The following ZNF277 variants were observed in gnomAD, a reference collection of about 807,000 sequenced individuals.
The protein encoded by ZNF277 is nuclear receptor-interacting factor 4.
A neutral mutation model predicts 60.7 loss-of-function variants in ZNF277; 55 were observed. The observed-to-expected ratio is 0.91, with a 90% confidence interval of 0.73 to 1.13. The LOEUF (loss-of-function observed/expected upper bound fraction) is 1.13. Ranked by LOEUF, ZNF277 falls within the 50% of genes most tolerant of loss-of-function variation. ZNF277 has a pLI of 0.00. For synonymous variants in ZNF277, 178 were observed against 179.3 expected (o/e 0.99, Z 0.06); for missense variants, 510 against 523.0 (o/e 0.98, Z 0.24).
chr7:112,342,950 A>G lies in ZNF277; in HGVS notation c.*221A>G, dbSNP rs1313659313. The G allele has an allele frequency of 6.2e-6, 2 of 323,492 alleles. No homozygotes were observed. The highest frequency in any genetic ancestry group is 1.1e-5 in the Non-Finnish European group (2 of 178,634). The allele number at this position is 323,492 out of a possible 1,614,324, so 20.0% of individuals were successfully genotyped here. ...AATGAAGTAGGAAAATAAGATGAAGACTTTGTATTTTGGCTGTAAAGTTTT... is the reference window on the plus strand; with the variant it reads ...AATGAAGTAGGAAAATAAGATGAAGGCTTTGTATTTTGGCTGTAAAGTTTT... On this transcript the variant is annotated 3_prime_UTR_variant, in exon 12 of 12. Coordinates refer to ENST00000361822, the MANE Select transcript of ZNF277 (RefSeq NM_021994.3).
intron 9 of ZNF277, 145 bp from the exon 10 acceptor site, chr7:112,339,698 G>T: frequency 1.4e-6 from 1 of 718,588 alleles, no homozygotes. Context: ...GAAGTAGTTA[G>T]ACTTGGAAGA....
rs537528919 is a variant in ZNF277 at position 112,264,634 on chromosome 7, A to G, written c.92-22239A>G. On this transcript the variant is annotated intron_variant, in intron 1 of 11. Transcript: ENST00000361822. ...AAAAGTATCAAGAAAGTATTTTTTG[A>G]AATTTTAATAAAAATATATGTTGAA... Among the ~76,000 whole-genome samples, 41 of 152,268 alleles carry G rather than the reference A, an allele frequency of 2.7e-4. 1 individual carries two copies. The South Asian group carries it at 6.0e-3, about 22-fold the overall frequency.
chr7:112,226,799 G>C (rs375857668), intron 1 of ZNF277, among the ~76,000 whole-genome samples: 48 of 152,248 alleles, frequency 3.2e-4, no homozygotes, highest in African/African-American at 1.1e-3. Flanking sequence ...TTAATTAAAT[G>C]ATAAATCTAG....
chr7:112,307,891 C>T (rs1792637866), intron 4 of ZNF277, among the ~76,000 whole-genome samples: 1 of 151,656 alleles, frequency 6.6e-6, no homozygotes, highest in Admixed American at 6.6e-5. Flanking sequence ...AGTATGTATA[C>T]ATATGTCCAA....
At chr7:112,252,032 T>G (rs1369465606) in intron 1 of ZNF277, among the ~76,000 whole-genome samples, 1 of 152,250 alleles carries the variant, frequency 6.6e-6, no homozygotes, top group East Asian at 1.9e-4. Context: ...TTTGTGAGAC[T>G]CACCCAGTCT....
intron 1 of ZNF277, among the ~76,000 whole-genome samples, chr7:112,243,885 C>T (rs1277860040): frequency 6.6e-6 from 1 of 151,942 alleles, no homozygotes; most frequent in Non-Finnish European, 1.5e-5. Context: ...AATAGCAAAG[C>T]ATTGGAATAA....
At chr7:112,327,905 A>C in intron 6 of ZNF277, 78 bp downstream of exon 6, 5 of 938,442 alleles carry the variant, frequency 5.3e-6, no homozygotes, top group Non-Finnish European at 7.8e-6. Flanking sequence ...AAATTAATTT[A>C]ATAGAGTAAT....
At chr7:112,320,700 T>G (rs1014896139) in intron 5 of ZNF277, among the ~76,000 whole-genome samples, 21 of 152,090 alleles carry the variant, frequency 1.4e-4, no homozygotes, top group African/African-American at 4.8e-4. Context: ...AGTATACAGT[T>G]GGATCATTTT....
chr7:112,226,732 T>A (rs1422980976), intron 1 of ZNF277, among the ~76,000 whole-genome samples: 2 of 152,248 alleles, frequency 1.3e-5, no homozygotes, highest in African/African-American at 4.8e-5. Flanking sequence ...TGGATTTTTT[T>A]ATATTCTCTG....
chr7:112,326,045 T>C (rs1254620930), intron 5 of ZNF277, among the ~76,000 whole-genome samples: 1 of 152,126 alleles, frequency 6.6e-6, no homozygotes, highest in Non-Finnish European at 1.5e-5. Context: ...GCCAGATTCT[T>C]GAGCCCCAGA....
intron 11 of ZNF277, among the ~76,000 whole-genome samples, chr7:112,341,698 A>C (rs1793448671): frequency 6.6e-6 from 1 of 152,208 alleles, no homozygotes; most frequent in Admixed American, 6.5e-5. Context: ...TCCTTTGCCA[A>C]GAACCTTCTG....
chr7:112,248,518 A>T (rs1327920165), intron 1 of ZNF277, among the ~76,000 whole-genome samples: 1 of 152,176 alleles, frequency 6.6e-6, no homozygotes, highest in Non-Finnish European at 1.5e-5. Context: ...ATTTATAATA[A>T]CACATCAATA....
chr7:112,233,849 C>A (rs1822409626), intron 1 of ZNF277, among the ~76,000 whole-genome samples: 1 of 151,808 alleles, frequency 6.6e-6, no homozygotes, highest in Admixed American at 6.6e-5. Flanking sequence ...GTATTCTTTT[C>A]AAAATTTTTT....
intron 5 of ZNF277, among the ~76,000 whole-genome samples, chr7:112,321,361 A>C (rs1351499755): frequency 6.6e-6 from 1 of 152,114 alleles, no homozygotes; most frequent in Non-Finnish European, 1.5e-5. Flanking sequence ...CTTTGCTCCA[A>C]TATAATTTGT....
At chr7:112,212,783 C>A (rs573398966) in intron 1 of ZNF277, among the ~76,000 whole-genome samples, 6 of 152,262 alleles carry the variant, frequency 3.9e-5, no homozygotes, top group Admixed American at 3.9e-4. Flanking sequence ...ACTAGTATTA[C>A]AACTATGTGC....
chr7:112,332,949 T>G (rs776288616), intron 7 of ZNF277, among the ~76,000 whole-genome samples: 2 of 152,142 alleles, frequency 1.3e-5, no homozygotes, highest in East Asian at 1.9e-4. Flanking sequence ...TAATATTATA[T>G]AGAACAAGTG....
chr7:112,256,230 C>G (rs963220772), intron 1 of ZNF277, among the ~76,000 whole-genome samples: 19 of 152,084 alleles, frequency 1.2e-4, no homozygotes, highest in Non-Finnish European at 2.5e-4. Flanking sequence ...TTTCAGCTAT[C>G]AGTAATTTTG....
At chr7:112,247,990 A>G (rs1480205329) in intron 1 of ZNF277, among the ~76,000 whole-genome samples, 1 of 151,728 alleles carries the variant, frequency 6.6e-6, no homozygotes, top group Non-Finnish European at 1.5e-5. Flanking sequence ...AGACTTTATG[A>G]GACCTTGGAT....
intron 2 of ZNF277, among the ~76,000 whole-genome samples, chr7:112,290,866 G>A (rs1007557408): frequency 2.6e-5 from 4 of 152,264 alleles, no homozygotes; most frequent in Non-Finnish European, 5.9e-5. Flanking sequence ...AAGGTATAAG[G>A]TGTAGGGTTG....
Sources: gnomAD v4.1 joint callset for allele counts (sites outside exome capture counted in the v4.1 genomes callset) on GRCh38, gnomAD v4.1.1 for gene constraint, MANE v1.5 for transcripts, NCBI Gene and HGNC (gene_info 2026-07-23, HGNC 2026-07-21) for gene names.